RASA3: variants seen among roughly 807,000 people sequenced by gnomAD.
RASA3 encodes ras GTPase-activating protein 3.
Under a neutral mutation model 110.0 loss-of-function variants are expected in RASA3, and 73 were observed. The observed-to-expected ratio is 0.66, with a 90% confidence interval of 0.55 to 0.81. RASA3 has a LOEUF of 0.81. Ranked by LOEUF, RASA3 falls within the 30% of genes least tolerant of loss-of-function variation. The probability of loss-of-function intolerance (pLI) is 0.00; values close to 1 mark genes in which losing one functional copy is unlikely to be tolerated. For synonymous variants in RASA3, 500 were observed against 451.4 expected (o/e 1.11, Z -1.37); for missense variants, 976 against 1,113.2 (o/e 0.88, Z 1.75).
chr13:114,071,219 G>A (rs1057388756), intron 2 of RASA3, among the ~76,000 whole-genome samples: 1 of 152,204 alleles, frequency 6.6e-6, no homozygotes, highest in African/African-American at 2.4e-5. Context: ...CTGGCCTCAA[G>A]CAATCCTCAC....
chr13:114,042,632 G>C (rs556384215), intron 3 of RASA3, among the ~76,000 whole-genome samples: 1 of 152,176 alleles, frequency 6.6e-6, no homozygotes, highest in Non-Finnish European at 1.5e-5. Flanking sequence ...CCTCCTACCC[G>C]GCCACCCTGC....
At chr13:114,127,891 T>C (rs1439081633) in intron 1 of RASA3, among the ~76,000 whole-genome samples, 1 of 151,748 alleles carries the variant, frequency 6.6e-6, no homozygotes, top group Non-Finnish European at 1.5e-5. Flanking sequence ...GTTTCCAGAG[T>C]TTAGATAAAA....
intron 18 of RASA3, among the ~76,000 whole-genome samples, chr13:114,003,099 C>T (rs946856026): frequency 6.6e-6 from 1 of 152,228 alleles, no homozygotes; most frequent in Non-Finnish European, 1.5e-5. Context: ...ATGGCAGAAC[C>T]GAGGCCCTAG....
intron 18 of RASA3, among the ~76,000 whole-genome samples, chr13:114,004,889 C>A (rs568346815): frequency 2.6e-5 from 4 of 152,292 alleles, no homozygotes; most frequent in African/African-American, 9.6e-5. Flanking sequence ...CAACGGACGA[C>A]TGGATAAAGA....
At chr13:114,034,419 G>T (rs551591442) in intron 4 of RASA3, among the ~76,000 whole-genome samples, 156 of 152,096 alleles carry the variant, frequency 1.0e-3, no homozygotes, top group Non-Finnish European at 1.0e-3. Flanking sequence ...TGTGGCCCCC[G>T]TGTGCTCTCC....
rs974154725 is a variant in RASA3 at position 114,114,085 on chromosome 13, G to A, written c.55+18350C>T. ...CATCAATCCACCCACCACAGCAAGT[G>A]TCTGCGATGTCTGTAGTGTCTGCGA... On this transcript the variant is annotated intron_variant, in intron 1 of 23. Transcript: ENST00000334062. This position sits in a 1 kb window ranked among gnomAD's most constrained non-coding sequence, Gnocchi z 4.8. Among the ~76,000 whole-genome samples the A allele has an allele frequency of 6.6e-6, 1 of 152,070 alleles. No individual in the cohort carries two copies. Among genetic ancestry groups the A allele is most frequent in the Non-Finnish European group, 1.5e-5 (1 of 68,040 alleles).
rs936007412 is a variant in RASA3, at chr13:114,096,583, C to T, written c.56-22746G>A. Among the ~76,000 whole-genome samples, 3 of 152,166 alleles carry T rather than the reference C, an allele frequency of 2.0e-5. No individual in the cohort carries two copies. The highest frequency in any genetic ancestry group is 2.1e-4 in the South Asian group (1 of 4,832). Reference sequence around the variant, plus strand: ...CAAACTGTTCCAGCCTGGAATAACCCGATTGCTCCTATGGGAACAACTGCT... The same window carrying T: ...CAAACTGTTCCAGCCTGGAATAACCTGATTGCTCCTATGGGAACAACTGCT... On this transcript the variant is annotated intron_variant, in intron 1 of 23. Transcript: ENST00000334062. This position sits in a 1 kb window ranked among gnomAD's most constrained non-coding sequence, Gnocchi z 5.1.
chr13:114,127,176 G>T (rs972840573), intron 1 of RASA3, among the ~76,000 whole-genome samples: 4 of 152,220 alleles, frequency 2.6e-5, no homozygotes, highest in African/African-American at 9.6e-5. Context: ...CGGTTCACAC[G>T]CTCCTTAGCT....
intron 4 of RASA3, among the ~76,000 whole-genome samples, chr13:114,034,603 A>T (rs2054245621): frequency 6.6e-6 from 1 of 152,204 alleles, no homozygotes; most frequent in Non-Finnish European, 1.5e-5. Context: ...CAGGAGTGGG[A>T]ACAAACAAAA....
At chr13:114,060,586 C>T (rs1346578692) in intron 2 of RASA3, among the ~76,000 whole-genome samples, 9 of 152,226 alleles carry the variant, frequency 5.9e-5, no homozygotes, top group Non-Finnish European at 1.3e-4. Flanking sequence ...CAGAGGGGCT[C>T]CTGCAGGAGG....
intron 1 of RASA3, among the ~76,000 whole-genome samples, chr13:114,075,383 T>G (rs961111515): frequency 2.0e-5 from 3 of 152,270 alleles, no homozygotes; most frequent in Non-Finnish European, 4.4e-5. Context: ...TAAAGACTTT[T>G]CATCCACAAT....
intron 9 of RASA3, among the ~76,000 whole-genome samples, chr13:114,019,764 AG>A (rs2053878578): frequency 2.7e-5 from 4 of 146,458 alleles, no homozygotes; most frequent in African/African-American, 1.0e-4. Context: ...AGGTGGGTGG[AG>A]CCTGTGTCCG....
In RASA3 at chr13:114,028,863, A is replaced by G. The variant is rs111948438; in HGVS notation, c.450-936T>C. 5.8e-3 allele frequency among the ~76,000 whole-genome samples: 137 copies of G among 23,758 alleles called. 4 individuals are homozygous for G. Among genetic ancestry groups the G allele is most frequent in the African/African-American group, 0.015 (45 of 2,988 alleles). The allele number at this position is 23,758 out of a possible 152,430, so 15.6% of individuals were successfully genotyped here. On this transcript the variant is annotated intron_variant, in intron 5 of 23. Transcript: ENST00000334062. ...TGGGGGCCAGGACCTCTAAAACGGC[A>G]TCATCCTGGGGCCAGGACCTCTAAA... is the stretch of plus-strand genomic sequence containing the variant.
At chr13:114,064,322 G>A (rs138048312) in intron 2 of RASA3, among the ~76,000 whole-genome samples, 57 of 152,268 alleles carry the variant, frequency 3.7e-4, no homozygotes, top group East Asian at 2.7e-3. Context: ...GTGAGCACCC[G>A]GCAGGAAGTG....
chr13:113,997,305 T>TGAGC (rs1491038256), intron 20 of RASA3, among the ~76,000 whole-genome samples: 1 of 152,060 alleles, frequency 6.6e-6, no homozygotes, highest in Non-Finnish European at 1.5e-5. Flanking sequence ...CAAACATGAC[T>TGAGC]GAGCACCAGC....
chr13:114,055,075 C>T (rs1464652748), intron 2 of RASA3, among the ~76,000 whole-genome samples: 7 of 151,768 alleles, frequency 4.6e-5, no homozygotes, highest in African/African-American at 1.7e-4. Context: ...CCCACAGGCA[C>T]GTGTTTGTGT....
chr13:114,022,905 C>T lies in RASA3; in HGVS notation c.680+1374G>A, dbSNP rs2053955418. Among the ~76,000 whole-genome samples, 3 of 152,290 alleles carry T rather than the reference C, an allele frequency of 2.0e-5. No individual in the cohort carries two copies. The South Asian group carries it at 6.2e-4, about 32-fold the overall frequency. ...CTGGGGAGGCAGATCTGACCGACCACGTCAGGGACATTCTATGGTTCAGGA... is the reference window on the plus strand; with the variant it reads ...CTGGGGAGGCAGATCTGACCGACCATGTCAGGGACATTCTATGGTTCAGGA... On this transcript the variant is annotated intron_variant, in intron 8 of 23. Coordinates refer to ENST00000334062, the MANE Select transcript of RASA3 (RefSeq NM_007368.4).
In RASA3 at chr13:113,979,201, G is replaced by C. The variant is rs528907497; in HGVS notation, c.*146C>G. 1.3e-6 allele frequency: 1 copy of C among 768,628 alleles called. No individual in the cohort carries two copies. The highest frequency in any genetic ancestry group is 2.2e-6 in the Non-Finnish European group (1 of 461,712). The allele number at this position is 768,628 out of a possible 1,614,324, so 47.6% of individuals were successfully genotyped here. ...CGGTGGTGGCAGCGGTTCTGGGAGA[G>C]GGAAACCCCAGCGCCACTTGTCTAT... is the stretch of plus-strand genomic sequence containing the variant. On this transcript the variant is annotated 3_prime_UTR_variant, in exon 24 of 24. Coordinates refer to ENST00000334062, the MANE Select transcript of RASA3 (RefSeq NM_007368.4).
chr13:114,014,051 C>T lies in RASA3; in HGVS notation c.1406-803G>A, dbSNP rs1041194310. 5.3e-5 allele frequency among the ~76,000 whole-genome samples: 6 copies of T among 113,602 alleles called. 1 individual carries two copies. The highest frequency in any genetic ancestry group is 3.0e-4 in the South Asian group (1 of 3,350). 74.5% of individuals were successfully genotyped at this position (113,602 alleles called of 152,430 possible). A position where few individuals can be genotyped will look rare whatever the true frequency, so the allele number is the denominator to read the frequency against. ...CTCTCTCCGTCTCTATCTCTCTCTC[C>T]GTCTGTCTCTGCCTCTCTCTCCGTC... is the stretch of plus-strand genomic sequence containing the variant. On this transcript the variant is annotated intron_variant, in intron 14 of 23. Coordinates refer to ENST00000334062, the MANE Select transcript of RASA3 (RefSeq NM_007368.4). This position sits in a 1 kb window ranked among gnomAD's most constrained non-coding sequence, Gnocchi z 4.5.
Sources: allele counts gnomAD v4.1 joint callset (sites outside exome capture counted in the v4.1 genomes callset), GRCh38; gene constraint gnomAD v4.1.1; non-coding constraint Gnocchi (gnomAD v3.1); transcripts MANE v1.5; gene names NCBI Gene and HGNC (gene_info 2026-07-23, HGNC 2026-07-21).